NUGGC: variants seen among roughly 807,000 people sequenced by gnomAD.
NUGGC encodes the protein nuclear GTPase SLIP-GC.
Under a neutral mutation model 92.6 loss-of-function variants are expected in NUGGC, and 58 were observed. The observed-to-expected ratio is 0.63, with a 90% CI of 0.51 to 0.78. The LOEUF (loss-of-function observed/expected upper bound fraction) is 0.78, where lower values mean the gene tolerates loss of function less well. Among genes scored for constraint, NUGGC ranks in the 30% least tolerant of loss-of-function variants. NUGGC has a pLI of 0.00. For missense variants in NUGGC, 925 were observed against 964.6 expected, an observed-to-expected ratio of 0.96 and a Z score of 0.54; for synonymous variants, 376 against 366.4, an observed-to-expected ratio of 1.03 and a Z score of -0.30.
intron 13 of NUGGC, 126 bp from the exon 14 acceptor site, chr8:28,033,823 T>C (rs1809485377): frequency 1.2e-6 from 1 of 849,906 alleles, no homozygotes; most frequent in Admixed American, 2.6e-5. Flanking sequence ...AACATGCTCT[T>C]TAAATATATG....
intron 10 of NUGGC, among the ~76,000 whole-genome samples, chr8:28,051,089 G>C (rs1337772598): frequency 6.6e-6 from 1 of 152,062 alleles, no homozygotes; most frequent in Non-Finnish European, 1.5e-5. Flanking sequence ...CTCCCAAAGT[G>C]CTGAGATTAC....
chr8:28,023,480 G>A lies in NUGGC; in HGVS notation c.2246-18C>T, dbSNP rs200969254. On this transcript the variant is annotated intron_variant, in intron 18 of 18. Coordinates refer to ENST00000413272, the MANE Select transcript of NUGGC (RefSeq NM_001010906.2). Reference sequence around the variant, plus strand: ...CCCGACATCTACAGGAGAGCAGAAAGCTCACATCAGGACTTGGTGTCCGTT... The same window carrying A: ...CCCGACATCTACAGGAGAGCAGAAAACTCACATCAGGACTTGGTGTCCGTT... 1.2e-6 allele frequency: 2 copies of A among 1,608,716 alleles called. No individual in the cohort carries two copies. Among genetic ancestry groups the A allele is most frequent in the Non-Finnish European group, 1.7e-6 (2 of 1,177,184 alleles).
At chr8:28,048,341 A>G (rs1809894250) in intron 10 of NUGGC, among the ~76,000 whole-genome samples, 1 of 152,158 alleles carries the variant, frequency 6.6e-6, no homozygotes, top group Admixed American at 6.5e-5. Flanking sequence ...TGAGGTCCCA[A>G]TCCCCACTAA....
At chr8:28,068,979 C>A (rs980333054) in intron 4 of NUGGC, among the ~76,000 whole-genome samples, 3 of 152,146 alleles carry the variant, frequency 2.0e-5, no homozygotes, top group African/African-American at 7.2e-5. Flanking sequence ...CCCGCCTCGG[C>A]CTCCCAAAGT....
chr8:28,039,234 ATTTT>A (rs201712679), intron 13 of NUGGC, among the ~76,000 whole-genome samples: 6 of 142,486 alleles, frequency 4.2e-5, no homozygotes, highest in African/African-American at 1.3e-4. Context: ...ACTTATCTAG[ATTTT>A]TTTTTTTTTT....
intron 10 of NUGGC, among the ~76,000 whole-genome samples, chr8:28,051,778 TG>T (rs1810010073): frequency 6.6e-6 from 1 of 151,974 alleles, no homozygotes; most frequent in Admixed American, 6.6e-5. Flanking sequence ...CAAAATTAGC[TG>T]GGCCTGGTGG....
chr8:28,038,928 G>A (rs1013539842), intron 13 of NUGGC, among the ~76,000 whole-genome samples: 4 of 152,078 alleles, frequency 2.6e-5, no homozygotes, highest in African/African-American at 9.7e-5. Flanking sequence ...TGTGAGGATG[G>A]GATAAGGTAA....
intron 7 of NUGGC, among the ~76,000 whole-genome samples, chr8:28,063,750 ACAAT>A (rs375025672): frequency 1.3e-5 from 2 of 152,282 alleles, no homozygotes; most frequent in African/African-American, 4.8e-5. Flanking sequence ...CTCCCCTGGC[ACAAT>A]CATTCATCTA....
At chr8:28,079,448 G>A (rs1585609099) in intron 1 of NUGGC, among the ~76,000 whole-genome samples, 1 of 152,094 alleles carries the variant, frequency 6.6e-6, no homozygotes, top group Non-Finnish European at 1.5e-5. Context: ...GCTGATGCAG[G>A]AGAATTGCTT....
intron 2 of NUGGC, 139 bp from the exon 3 acceptor site, chr8:28,070,495 G>A (rs899167188): frequency 1.8e-6 from 1 of 560,632 alleles, no homozygotes; most frequent in African/African-American, 1.9e-5. Context: ...TGAAGCATGA[G>A]GGATTACATG....
In NUGGC at chr8:28,047,624, G is replaced by A. The variant is rs768065852; in HGVS notation, c.1207-12C>T. ...GCTGGCAGTTTTCTCTGAAGTGAGAGAGTCACACAGAAAACAGAATAACTC... is the reference window on the plus strand; with the variant it reads ...GCTGGCAGTTTTCTCTGAAGTGAGAAAGTCACACAGAAAACAGAATAACTC... On this transcript the variant is annotated splice_polypyrimidine_tract_variant and intron_variant, in intron 10 of 18. Transcript: ENST00000413272. The A allele has an allele frequency of 2.6e-5, 38 of 1,489,756 alleles. No individual in the cohort carries two copies. The highest frequency in any genetic ancestry group is 6.4e-6 in the Non-Finnish European group (7 of 1,091,142). 92.3% of individuals were successfully genotyped at this position (1,489,756 alleles called of 1,614,324 possible). A position where few individuals can be genotyped will look rare whatever the true frequency, so the allele number is the denominator to read the frequency against.
rs775408523 is a variant in NUGGC, at chr8:28,067,508, C to T, written c.711+6G>A. The T allele has an allele frequency of 4.4e-6, 7 of 1,588,286 alleles. No homozygotes were observed. Among genetic ancestry groups the T allele is most frequent in the African/African-American group, 2.7e-5 (2 of 74,452 alleles). On this transcript the variant is annotated splice_donor_region_variant and intron_variant, in intron 6 of 18. Transcript: ENST00000413272. ...GAAATCAAGGAAAAAACGAACTTGA[C>T]GCTACCTCTTCCGCCTTGAGGGTGA...
At chr8:28,038,003 G>T (rs1809599191) in intron 13 of NUGGC, among the ~76,000 whole-genome samples, 1 of 152,222 alleles carries the variant, frequency 6.6e-6, no homozygotes, top group Non-Finnish European at 1.5e-5. Flanking sequence ...GTGAGTGCAA[G>T]AACAGCTGCA....
At chr8:28,050,836 A>AT (rs1339145213) in intron 10 of NUGGC, among the ~76,000 whole-genome samples, 1 of 151,932 alleles carries the variant, frequency 6.6e-6, no homozygotes, top group East Asian at 1.9e-4. Context: ...TCATGACCTG[A>AT]TTTTTAAAAA....
rs544197683 is a variant in NUGGC at position 28,046,768 on chromosome 8, C to T, written c.1312+739G>A. On this transcript the variant is annotated intron_variant, in intron 11 of 18. Coordinates refer to ENST00000413272, the MANE Select transcript of NUGGC (RefSeq NM_001010906.2). ...CGATCTCGGCTCACTGCAACCTCCA[C>T]CTCCCAGATTCAAGCAATTCTCCTG... 1.8e-4 allele frequency among the ~76,000 whole-genome samples: 27 copies of T among 151,728 alleles called. 1 individual carries two copies. The South Asian group carries it at 5.6e-3, about 32-fold the overall frequency.
In NUGGC at chr8:28,060,558, T is replaced by C; in HGVS notation, c.965A>G (p.Glu322Gly). 1 of 1,613,546 alleles carries C rather than the reference T, an allele frequency of 6.2e-7. No individual in the cohort carries two copies. The highest frequency in any genetic ancestry group is 2.2e-5 in the East Asian group (1 of 44,874). Reference sequence around the variant, plus strand: ...GTGGGCTTGCCCCCCAGAAACTCGCTCTATGTCGCTGATCACCCAGATCAC... The same window carrying C: ...GTGGGCTTGCCCCCCAGAAACTCGCCCTATGTCGCTGATCACCCAGATCAC... ...CSVIWVISDIERVSGGQAHED... is the reference protein window; with the variant it reads ...CSVIWVISDIGRVSGGQAHED... Residue 322 changes from glutamate to glycine, a missense_variant, in exon 8 of 19, where the codon GAG (glutamate) becomes GGG (glycine). Glu to Gly is a moderately conservative substitution (Grantham distance 98). Transcript: ENST00000413272.
chr8:28,059,477 C>T (rs1334408575), intron 8 of NUGGC, among the ~76,000 whole-genome samples: 1 of 152,138 alleles, frequency 6.6e-6, no homozygotes, highest in Non-Finnish European at 1.5e-5. Context: ...GAGAATGCAT[C>T]TACCTTCTCC....
rs1809857042 is a variant in NUGGC, at chr8:28,047,052, C to T, written c.1312+455G>A. Among the ~76,000 whole-genome samples, 3 of 151,976 alleles carry T rather than the reference C, an allele frequency of 2.0e-5. No homozygotes were observed. In the South Asian group the frequency reaches 6.2e-4, roughly 32 times the overall value. The stretch of plus-strand genomic sequence containing the variant: ...ATGGCGCAATCTTGGCTCACTGCAA[C>T]CTCTGCCTCCCGGGTTCAAGCAATT... On this transcript the variant is annotated intron_variant, in intron 11 of 18. Transcript: ENST00000413272.
At chr8:28,032,895 CACACCAGTAA>C (rs1319068176) in intron 14 of NUGGC, among the ~76,000 whole-genome samples, 1 of 152,058 alleles carries the variant, frequency 6.6e-6, no homozygotes, top group African/African-American at 2.4e-5. Context: ...TGTGGTGGCT[CACACCAGTAA>C]TCCCAGCACT....
Sources: allele counts gnomAD v4.1 joint callset (sites outside exome capture counted in the v4.1 genomes callset), GRCh38; gene constraint gnomAD v4.1.1; transcripts MANE v1.5; gene names NCBI Gene and HGNC (gene_info 2026-07-23, HGNC 2026-07-21).